Variants in CLVS1 observed in about 807,000 individuals in gnomAD.
The protein encoded by CLVS1 is clavesin 1, also known as clavesin-1.
Under a neutral mutation model 33.1 loss-of-function variants are expected in CLVS1, and 10 were observed. The ratio of observed to expected loss-of-function variants is 0.30; its 90% confidence interval spans 0.19 to 0.51. The LOEUF is 0.51. CLVS1 is among the 20% of genes least tolerant of loss of function. The pLI, the probability that CLVS1 is intolerant of heterozygous loss-of-function variation, is 0.97. For synonymous variants in CLVS1, 163 were observed against 166.1 expected, an observed-to-expected ratio of 0.98 and a Z score of 0.14; for missense variants, 343 against 433.4, an observed-to-expected ratio of 0.79 and a Z score of 1.85.
chr8:61,118,614 T>G (rs2129289380), intron 1 of CLVS1, among the ~76,000 whole-genome samples: 2 of 151,706 alleles, frequency 1.3e-5, no homozygotes, highest in South Asian at 4.2e-4. Context: ...TATTTCTGCC[T>G]TCATTTCGTT....
intron 2 of CLVS1, among the ~76,000 whole-genome samples, chr8:61,140,756 T>G (rs1272473742): frequency 2.6e-5 from 4 of 151,926 alleles, no homozygotes; most frequent in African/African-American, 9.7e-5. Context: ...TTAGTAGAGA[T>G]GGGGTTTCAC....
chr8:61,498,005 C>T (rs1243072949), intron 5 of CLVS1, among the ~76,000 whole-genome samples: 2 of 152,134 alleles, frequency 1.3e-5, no homozygotes, highest in African/African-American at 2.4e-5. Flanking sequence ...TTTACTACAA[C>T]GTGTTTTATC....
chr8:61,200,075 A>G (rs1807696640), intron 2 of CLVS1, among the ~76,000 whole-genome samples: 1 of 152,154 alleles, frequency 6.6e-6, no homozygotes, highest in Non-Finnish European at 1.5e-5. Flanking sequence ...ATGTTACATC[A>G]TTAATATATT....
chr8:61,245,547 A>C (rs1808788584), intron 2 of CLVS1, among the ~76,000 whole-genome samples: 1 of 151,910 alleles, frequency 6.6e-6, no homozygotes, highest in Non-Finnish European at 1.5e-5. Context: ...GACATCTTTT[A>C]TATTTTATAG....
At chr8:61,002,768 G>A in the CLVS1 span, among the ~76,000 whole-genome samples, 1 of 152,260 alleles carries the variant, frequency 6.6e-6, no homozygotes, top group African/African-American at 2.4e-5. Context: ...GGGAAAGAGA[G>A]AAAGCATTCA....
intron 3 of CLVS1, among the ~76,000 whole-genome samples, chr8:61,423,631 A>C (rs1342970636): frequency 6.6e-6 from 1 of 152,226 alleles, no homozygotes; most frequent in Non-Finnish European, 1.5e-5. Context: ...ATGTGTCAAA[A>C]AATAAGTGTA....
At chr8:61,223,872 A>G (rs1808273941) in intron 2 of CLVS1, among the ~76,000 whole-genome samples, 1 of 151,788 alleles carries the variant, frequency 6.6e-6, no homozygotes, top group Non-Finnish European at 1.5e-5. Context: ...TCATTCCTTT[A>G]GATTCTTTTT....
intron 5 of CLVS1, 85 bp from the exon 6 acceptor site, chr8:61,499,370 T>TAA: frequency 2.1e-6 from 2 of 942,416 alleles, no homozygotes; most frequent in Non-Finnish European, 3.4e-6. Context: ...AAAAGAGAAA[T>TAA]ATAAAATCCG....
At chr8:60,998,977 T>C in the CLVS1 span, among the ~76,000 whole-genome samples, 2 of 152,344 alleles carry the variant, frequency 1.3e-5, no homozygotes, top group Non-Finnish European at 1.5e-5. Context: ...TCCCAGGTTT[T>C]ACAGCCCAGA....
the CLVS1 span, among the ~76,000 whole-genome samples, chr8:60,969,639 CG>C: frequency 6.6e-6 from 1 of 151,902 alleles, no homozygotes; most frequent in African/African-American, 2.4e-5. Context: ...TTGGCAGGGG[CG>C]GGGGCTGTTA....
intron 2 of CLVS1, among the ~76,000 whole-genome samples, chr8:61,159,608 C>A (rs1806715144): frequency 6.6e-6 from 1 of 152,204 alleles, no homozygotes; most frequent in Non-Finnish European, 1.5e-5. Context: ...GTCCATCCTA[C>A]TGGGGTGGCT....
At chr8:61,459,936 CTT>C (rs1230977064) in intron 5 of CLVS1, among the ~76,000 whole-genome samples, 92 of 152,282 alleles carry the variant, frequency 6.0e-4, no homozygotes, top group Non-Finnish European at 8.8e-5. Context: ...TCCATGCGTC[CTT>C]ACACGGTTTT....
At chr8:61,182,992 T>C (rs894388671) in intron 2 of CLVS1, among the ~76,000 whole-genome samples, 1 of 152,222 alleles carries the variant, frequency 6.6e-6, no homozygotes, top group African/African-American at 2.4e-5. Flanking sequence ...TCATGTCCTT[T>C]GCAGGGACAT....
chr8:61,250,813 G>A (rs879796590), intron 2 of CLVS1, among the ~76,000 whole-genome samples: 1 of 152,166 alleles, frequency 6.6e-6, no homozygotes, highest in Non-Finnish European at 1.5e-5. Context: ...AGGAGATTTA[G>A]GGCTGAGAGG....
chr8:61,416,352 A>G (rs970746665), intron 3 of CLVS1, among the ~76,000 whole-genome samples: 1 of 151,226 alleles, frequency 6.6e-6, no homozygotes, highest in African/African-American at 2.5e-5. Context: ...ATACATACAT[A>G]CATATTCCCA....
intron 3 of CLVS1, among the ~76,000 whole-genome samples, chr8:61,431,902 G>A (rs1816128441): frequency 6.6e-6 from 1 of 152,172 alleles, no homozygotes; most frequent in South Asian, 2.1e-4. Flanking sequence ...CCTACTGTGT[G>A]CCAGGTTCTG....
chr8:61,158,497 A>G (rs1396432107), intron 2 of CLVS1, among the ~76,000 whole-genome samples: 1 of 152,182 alleles, frequency 6.6e-6, no homozygotes, highest in East Asian at 1.9e-4. Context: ...AAGAATGCCA[A>G]ATGATCATTG....
At chr8:60,987,902 G>C in the CLVS1 span, among the ~76,000 whole-genome samples, 2 of 152,118 alleles carry the variant, frequency 1.3e-5, no homozygotes, top group Non-Finnish European at 2.9e-5. Flanking sequence ...CCAGCCTGGT[G>C]ATAGAGCAAG....
intron 1 of CLVS1, among the ~76,000 whole-genome samples, chr8:61,077,318 G>A (rs1804932660): frequency 6.6e-6 from 1 of 151,856 alleles, no homozygotes; most frequent in African/African-American, 2.4e-5. Flanking sequence ...TGATCCACCC[G>A]CCTCGGCCTC....
Sources: allele counts gnomAD v4.1 joint callset (sites outside exome capture counted in the v4.1 genomes callset), GRCh38; gene constraint gnomAD v4.1.1; transcripts MANE v1.5; gene names NCBI Gene and HGNC (gene_info 2026-07-23, HGNC 2026-07-21).